NDUFA11: variants seen among roughly 807,000 people sequenced by gnomAD.
The protein encoded by NDUFA11 is NADH:ubiquinone oxidoreductase subunit A11, also known as NADH dehydrogenase [ubiquinone] 1 alpha subcomplex subunit 11.
Under a neutral mutation model 11.3 loss-of-function variants are expected in NDUFA11, and 14 were observed. The ratio of observed to expected loss-of-function variants is 1.24; its 90% CI spans 0.82 to 1.94. The LOEUF (loss-of-function observed/expected upper bound fraction) is 1.94. Ranked by LOEUF, NDUFA11 falls within the 30% of genes most tolerant of loss-of-function variation. The pLI, the probability that NDUFA11 is intolerant of heterozygous loss-of-function variation, is 0.00. For synonymous variants in NDUFA11, 87 were observed against 85.6 expected, an observed-to-expected ratio of 1.02 and a Z score of -0.09; for missense variants, 204 against 200.3, an observed-to-expected ratio of 1.02 and a Z score of -0.11.
downstream of NDUFA11, among the ~76,000 whole-genome samples, chr19:5,893,601 TACA>T (rs1404545315): frequency 3.3e-5 from 5 of 151,848 alleles, no homozygotes; most frequent in Admixed American, 1.3e-4. This position sits in a 1 kb window ranked among gnomAD's most constrained non-coding sequence, Gnocchi z 4.1. Flanking sequence ...AGGCCCAGCC[TACA>T]ACATTTTTTA....
chr19:5,896,123 G>A lies in NDUFA11; in HGVS notation c.313+330C>T. 1 of 559,862 alleles carries A rather than the reference G, an allele frequency of 1.8e-6. No individual in the cohort carries two copies. The highest frequency in any genetic ancestry group is 2.9e-5 in the East Asian group (1 of 34,864). The allele number at this position is 559,862 out of a possible 1,614,324, so 34.7% of individuals were successfully genotyped here. ...TTGTACACAGGGTGGTCAGGACAGT[G>A]AGGGGAACAGCATTCCACGCAGTGC... On this transcript the variant is annotated intron_variant, in intron 3 of 3. Transcript: ENST00000308961. The surrounding 1 kb of genome is among the most constrained non-coding windows in gnomAD (Gnocchi z 5.8).
At chr19:5,894,888 T>C in intron 3 of NDUFA11, 34 bp from the exon 4 acceptor site, 1 of 1,563,796 alleles carries the variant, frequency 6.4e-7, no homozygotes. Flanking sequence ...CAGGCCCGGG[T>C]GGGGCTCGGC....
chr19:5,901,987 G>GT (rs758366775), intron 1 of NDUFA11, among the ~76,000 whole-genome samples: 1 of 132,102 alleles, frequency 7.6e-6, no homozygotes, highest in African/African-American at 2.9e-5. Flanking sequence ...GTTTTGTTTT[G>GT]TTTTTTGAGA....
chr19:5,896,741 A>G lies in NDUFA11; in HGVS notation c.190+164T>C. ...TGGAGCTGTTCTCCTGGGCCTCCCC[A>G]CCCTACATGTATTCCTGATAAAGGA... On this transcript the variant is annotated intron_variant, in intron 2 of 3. Transcript: ENST00000308961. The surrounding 1 kb of genome is among the most constrained non-coding windows in gnomAD (Gnocchi z 5.8). The G allele has an allele frequency of 1.7e-6, 2 of 1,204,576 alleles. No homozygotes were observed. Among genetic ancestry groups the G allele is most frequent in the Non-Finnish European group, 2.4e-6 (2 of 826,670 alleles). The allele number at this position is 1,204,576 out of a possible 1,614,324, so 74.6% of individuals were successfully genotyped here.
rs900180856 is a variant in NDUFA11, at chr19:5,896,244, G to A, written c.313+209C>T. ...GGCTGGAGCAGAGTGAGGAGGGGAGGGTGGGGAGGGGACAGGGCAGGTCAG... is the reference window on the plus strand; with the variant it reads ...GGCTGGAGCAGAGTGAGGAGGGGAGAGTGGGGAGGGGACAGGGCAGGTCAG... On this transcript the variant is annotated intron_variant, in intron 3 of 3. Transcript: ENST00000308961. The surrounding 1 kb of genome is among the most constrained non-coding windows in gnomAD (Gnocchi z 5.8). 4 of 611,184 alleles carry A rather than the reference G, an allele frequency of 6.5e-6. No homozygotes were observed. Among genetic ancestry groups the A allele is most frequent in the Admixed American group, 2.9e-5 (1 of 34,364 alleles). The allele number at this position is 611,184 out of a possible 1,614,324, so 37.9% of individuals were successfully genotyped here.
chr19:5,896,481 G>C lies in NDUFA11; in HGVS notation c.285C>G (p.Cys95Trp). 6.4e-7 allele frequency: 1 copy of C among 1,573,316 alleles called. No individual in the cohort carries two copies. Residue 95 changes from cysteine to tryptophan, a missense_variant, in exon 3 of 4, where the codon TGC (cysteine) becomes TGG (tryptophan). Cys to Trp is a radical substitution (Grantham distance 215, BLOSUM62 -2). Coordinates refer to ENST00000308961, the MANE Select transcript of NDUFA11 (RefSeq NM_175614.5). The surrounding 1 kb of genome is among the most constrained non-coding windows in gnomAD (Gnocchi z 5.8). ...GTGCTCCCAGAGTCAGGCCTCCGGC[G>C]CAGCCACCGAGGAAGTAGTTCAGGG... is the stretch of plus-strand genomic sequence containing the variant. ...DDPLNYFLGG[C>W]AGGLTLGART...
chr19:5,900,743 C>A (rs2057639735), intron 1 of NDUFA11, among the ~76,000 whole-genome samples: 2 of 151,992 alleles, frequency 1.3e-5, no homozygotes, highest in Non-Finnish European at 2.9e-5. Flanking sequence ...CATGGCGAAA[C>A]CTTGTCTCTA....
rs779413753 is a variant in NDUFA11 at position 5,894,790 on chromosome 19, C to G, written c.378G>C (p.Lys126Asn). 25 of 1,613,630 alleles carry G rather than the reference C, an allele frequency of 1.5e-5. No homozygotes were observed. The South Asian group carries it at 2.7e-4, about 18-fold the overall frequency. The change falls in exon 4 of 4, where the codon AAG (lysine) becomes AAC (asparagine). Residue 126 changes from lysine to asparagine, a missense_variant. Lys to Asn is a moderately conservative substitution (Grantham distance 94). Transcript: ENST00000308961. ...VYFGIAASLV[K>N]MGRLEGWEVF... The stretch of plus-strand genomic sequence containing the variant: ...CCTCCCAGCCCTCCAGCCGGCCCAT[C>G]TTGACCAGGGAGGCCGCTATGCCAA...
At chr19:5,903,298 C>T (rs138470896) in intron 1 of NDUFA11, among the ~76,000 whole-genome samples, 13 of 152,238 alleles carry the variant, frequency 8.5e-5, no homozygotes, top group Non-Finnish European at 1.8e-4. Context: ...TCCCTTAGCT[C>T]CTTGGACCTG....
At position 5,897,276 on chromosome 19, in the gene NDUFA11, C is replaced by T. The variant is rs374239309; in HGVS notation, c.98-279G>A. 2.4e-4 allele frequency among the ~76,000 whole-genome samples: 37 copies of T among 152,298 alleles called. 2 individuals are homozygous for T. In the South Asian group the frequency reaches 5.4e-3, roughly 22 times the overall value. Reference sequence around the variant, plus strand: ...TGGCTCCTGCAGAGCACCTGCTGGGCGCCCATCAGCCATGCTGGCCCTGGC... The same window carrying T: ...TGGCTCCTGCAGAGCACCTGCTGGGTGCCCATCAGCCATGCTGGCCCTGGC... On this transcript the variant is annotated intron_variant, in intron 1 of 3. Transcript: ENST00000308961.
At position 5,902,968 on chromosome 19, in the gene NDUFA11, G is replaced by A. The variant is rs2057655145; in HGVS notation, c.97+644C>T. 2.2e-5 allele frequency among the ~76,000 whole-genome samples: 3 copies of A among 136,518 alleles called. No individual in the cohort carries two copies. The South Asian group carries it at 6.9e-4, about 31-fold the overall frequency. The allele number at this position is 136,518 out of a possible 152,430, so 89.6% of individuals were successfully genotyped here. ...GAAGGTTGCAGTGAGCCGAGATCTCGCCACTGCAGTCCAGCCCGGGCGACA... is the reference window on the plus strand; with the variant it reads ...GAAGGTTGCAGTGAGCCGAGATCTCACCACTGCAGTCCAGCCCGGGCGACA... On this transcript the variant is annotated intron_variant, in intron 1 of 3. Coordinates refer to ENST00000308961, the MANE Select transcript of NDUFA11 (RefSeq NM_175614.5).
In NDUFA11 at chr19:5,894,865, G is replaced by C. The variant is rs573341528; in HGVS notation, c.314-11C>G. 1.7e-5 allele frequency: 27 copies of C among 1,592,324 alleles called. No homozygotes were observed. The South Asian group carries it at 2.9e-4, about 17-fold the overall frequency. ...TCCCGTAGTTGTGCGCTGTGGGAGT[G>C]GGGAGGTGATGTCAGGCCCGGGTGG... On this transcript the variant is annotated splice_polypyrimidine_tract_variant and intron_variant, in intron 3 of 3. Coordinates refer to ENST00000308961, the MANE Select transcript of NDUFA11 (RefSeq NM_175614.5).
chr19:5,894,457 G>A (rs1386489923), downstream of NDUFA11, among the ~76,000 whole-genome samples: 2 of 152,184 alleles, frequency 1.3e-5, no homozygotes, highest in Non-Finnish European at 2.9e-5. Context: ...AGCAGAGGCT[G>A]GGGCGCATCC....
chr19:5,896,359 C>G lies in NDUFA11; in HGVS notation c.313+94G>C. The stretch of plus-strand genomic sequence containing the variant: ...TCAAGAAGGCTGCTTTACTTCTTGT[C>G]CGGGATGGAACAGAGAGGGTGGAGG... On this transcript the variant is annotated intron_variant, in intron 3 of 3. Transcript: ENST00000308961. This position sits in a 1 kb window ranked among gnomAD's most constrained non-coding sequence, Gnocchi z 5.8. 1 of 1,341,618 alleles carries G rather than the reference C, an allele frequency of 7.5e-7. No individual in the cohort carries two copies. Among genetic ancestry groups the G allele is most frequent in the Non-Finnish European group, 1.0e-6 (1 of 999,228 alleles). The allele number at this position is 1,341,618 out of a possible 1,614,324, so 83.1% of individuals were successfully genotyped here. A position where few individuals can be genotyped will look rare whatever the true frequency, so the allele number is the denominator to read the frequency against.
Position 5,894,863 on chromosome 19 carries a change from G to C in NDUFA11, c.314-9C>G, listed in dbSNP as rs200484617. On this transcript the variant is annotated splice_polypyrimidine_tract_variant and intron_variant, in intron 3 of 3. Coordinates refer to ENST00000308961, the MANE Select transcript of NDUFA11 (RefSeq NM_175614.5). The stretch of plus-strand genomic sequence containing the variant: ...AATCCCGTAGTTGTGCGCTGTGGGA[G>C]TGGGGAGGTGATGTCAGGCCCGGGT... 3 of 1,593,172 alleles carry C rather than the reference G, an allele frequency of 1.9e-6. No homozygotes were observed. The Admixed American group carries it at 5.2e-5, about 28-fold the overall frequency.
At chr19:5,897,409 GC>G (rs1274370896) in intron 1 of NDUFA11, among the ~76,000 whole-genome samples, 1 of 152,062 alleles carries the variant, frequency 6.6e-6, no homozygotes, top group Non-Finnish European at 1.5e-5. Flanking sequence ...GCTCAGCGGC[GC>G]CCCCCACGGG....
chr19:5,900,986 C>A (rs188907788), intron 1 of NDUFA11, among the ~76,000 whole-genome samples: 15 of 151,894 alleles, frequency 9.9e-5, no homozygotes, highest in Non-Finnish European at 1.9e-4. Flanking sequence ...GACCCCGGGG[C>A]ACCCTTGGAG....
Position 5,896,884 on chromosome 19 carries a change from T to C in NDUFA11, c.190+21A>G, listed in dbSNP as rs1173036239. The C allele has an allele frequency of 6.9e-6, 11 of 1,597,700 alleles. No homozygotes were observed. In the South Asian group the frequency reaches 7.7e-5, roughly 11 times the overall value. ...GCTGTGCCAGGAGAGGGCCCAGCCA[T>C]GCCCAGCCCAGCGTGCTCACCTGCA... On this transcript the variant is annotated intron_variant, in intron 2 of 3. Coordinates refer to ENST00000308961, the MANE Select transcript of NDUFA11 (RefSeq NM_175614.5). This position sits in a 1 kb window ranked among gnomAD's most constrained non-coding sequence, Gnocchi z 5.8.
intron 1 of NDUFA11, among the ~76,000 whole-genome samples, chr19:5,902,251 C>T (rs1272210733): frequency 6.6e-6 from 1 of 151,512 alleles, no homozygotes; most frequent in Non-Finnish European, 1.5e-5. Context: ...AGGTGTGAGC[C>T]ACCATGCCCG....
Sources: gnomAD v4.1 joint callset for allele counts (sites outside exome capture counted in the v4.1 genomes callset) on GRCh38, gnomAD v4.1.1 for gene constraint, Gnocchi (gnomAD v3.1) non-coding constraint, MANE v1.5 for transcripts, NCBI Gene and HGNC (gene_info 2026-07-23, HGNC 2026-07-21) for gene names.